Variants in GPATCH2 observed in about 807,000 individuals in gnomAD.
GPATCH2 encodes the protein G patch domain-containing protein 2.
Under a neutral mutation model 58.0 loss-of-function variants are expected in GPATCH2, and 51 were observed. That is an observed-to-expected ratio of 0.88 (90% CI 0.70 to 1.11). GPATCH2 has a LOEUF of 1.11. Among genes scored for constraint, GPATCH2 ranks in the 50% most tolerant of loss-of-function variants. The pLI is 0.00. For missense variants in GPATCH2, 625 were observed against 652.2 expected (o/e 0.96, Z 0.45); for synonymous variants, 222 against 218.5 (o/e 1.02, Z -0.14).
rs1658461846 is a variant in GPATCH2 at position 217,430,027 on chromosome 1, A to C, written c.*1118T>G. ...AATAAATAAAGATCTTCTAAACTAA[A>C]AGCAATTTAGAATTTCTGATACTAT... On this transcript the variant is annotated 3_prime_UTR_variant, in exon 10 of 10. Transcript: ENST00000366935. The C allele has an allele frequency of 6.6e-6, 1 of 152,120 alleles. No individual in the cohort carries two copies. Among genetic ancestry groups the C allele is most frequent in the South Asian group, 2.1e-4 (1 of 4,830 alleles). The allele number at this position is 152,120 out of a possible 1,614,324, so 9.4% of individuals were successfully genotyped here. A position where few individuals can be genotyped will look rare whatever the true frequency, so the allele number is the denominator to read the frequency against.
At chr1:217,592,776 T>G (rs1038371514) in intron 5 of GPATCH2, among the ~76,000 whole-genome samples, 3 of 151,872 alleles carry the variant, frequency 2.0e-5, no homozygotes, top group African/African-American at 4.8e-5. Context: ...AGATAGAATA[T>G]AGCTTCCTTT....
intron 5 of GPATCH2, among the ~76,000 whole-genome samples, chr1:217,556,786 A>G (rs534880378): frequency 1.5e-3 from 228 of 152,320 alleles, no homozygotes; most frequent in African/African-American, 5.1e-3. Context: ...CTTTTTCCAA[A>G]ATAGATAAAT....
intron 7 of GPATCH2, among the ~76,000 whole-genome samples, chr1:217,494,773 T>C (rs1571803888): frequency 6.6e-6 from 1 of 152,150 alleles, no homozygotes; most frequent in African/African-American, 2.4e-5. Context: ...CAACATATTT[T>C]TTTTTAAAGT....
At chr1:217,627,626 C>T (rs1292495156) in intron 1 of GPATCH2, among the ~76,000 whole-genome samples, 3 of 152,048 alleles carry the variant, frequency 2.0e-5, no homozygotes, top group Non-Finnish European at 4.4e-5. Flanking sequence ...GCAGCTTCTA[C>T]TTTGTCACCT....
intron 5 of GPATCH2, among the ~76,000 whole-genome samples, chr1:217,528,720 T>C (rs1012120562): frequency 6.6e-6 from 1 of 152,118 alleles, no homozygotes; most frequent in Non-Finnish European, 1.5e-5. Context: ...GAGGTAAAAA[T>C]GCTGCATTTG....
intron 6 of GPATCH2, 69 bp from the exon 7 acceptor site, chr1:217,498,464 C>G: frequency 8.7e-7 from 1 of 1,145,252 alleles, no homozygotes; most frequent in South Asian, 1.2e-5. Flanking sequence ...ATGATCGAGC[C>G]GCATGTGCTT....
At chr1:217,619,354 C>T (rs1283532397) in intron 2 of GPATCH2, among the ~76,000 whole-genome samples, 1 of 152,088 alleles carries the variant, frequency 6.6e-6, no homozygotes, top group Non-Finnish European at 1.5e-5. Flanking sequence ...AAGCCACAGA[C>T]ATGTCGAAGT....
chr1:217,578,570 C>G (rs1014351313), intron 5 of GPATCH2, among the ~76,000 whole-genome samples: 1 of 152,186 alleles, frequency 6.6e-6, no homozygotes, highest in Non-Finnish European at 1.5e-5. Flanking sequence ...GATGAGTTCA[C>G]TAAGTCCTGG....
chr1:217,429,845 AAG>A lies in GPATCH2; in HGVS notation c.*1298_*1299del, dbSNP rs1491025248. The A allele has an allele frequency of 6.7e-6, 1 of 149,884 alleles. No homozygotes were observed. Among genetic ancestry groups the A allele is most frequent in the Non-Finnish European group, 1.5e-5 (1 of 67,496 alleles). 9.3% of individuals were successfully genotyped at this position (149,884 alleles called of 1,614,324 possible). On this transcript the variant is annotated 3_prime_UTR_variant, in exon 10 of 10. Coordinates refer to ENST00000366935, the MANE Select transcript of GPATCH2 (RefSeq NM_018040.5). ...TCTGTCAAAAAAAAAAAAAAAAAAA[AAG>A]AAACAAAAAAACTCTTTTGGAAAGT...
intron 8 of GPATCH2, among the ~76,000 whole-genome samples, chr1:217,454,364 C>A (rs1355378605): frequency 6.6e-6 from 1 of 151,814 alleles, no homozygotes; most frequent in Non-Finnish European, 1.5e-5. Context: ...CTGAGGTGGG[C>A]GGATCACGAG....
At chr1:217,482,270 A>G (rs1558423327) in intron 8 of GPATCH2, among the ~76,000 whole-genome samples, 1 of 152,212 alleles carries the variant, frequency 6.6e-6, no homozygotes, top group East Asian at 1.9e-4. Flanking sequence ...TTGGGGCTAC[A>G]TGAGTGAGTA....
chr1:217,596,775 G>T (rs951874949), intron 5 of GPATCH2, among the ~76,000 whole-genome samples: 2 of 152,140 alleles, frequency 1.3e-5, no homozygotes, highest in African/African-American at 4.8e-5. Flanking sequence ...TTGTACAGAT[G>T]AGTATGGAAG....
chr1:217,558,754 C>T (rs922432616), intron 5 of GPATCH2, among the ~76,000 whole-genome samples: 4 of 151,978 alleles, frequency 2.6e-5, no homozygotes, highest in Non-Finnish European at 4.4e-5. Flanking sequence ...TTGAGAGCAG[C>T]CTGGGCAACA....
At chr1:217,454,998 T>C (rs1659876904) in intron 8 of GPATCH2, among the ~76,000 whole-genome samples, 1 of 152,160 alleles carries the variant, frequency 6.6e-6, no homozygotes, top group Non-Finnish European at 1.5e-5. Context: ...TGGACATTCA[T>C]AGCAACCCTT....
chr1:217,623,190 C>A (rs1669285395), intron 1 of GPATCH2, among the ~76,000 whole-genome samples: 1 of 152,080 alleles, frequency 6.6e-6, no homozygotes, highest in Non-Finnish European at 1.5e-5. Context: ...GTAACTTACT[C>A]TTGGAAGACA....
chr1:217,603,290 T>A (rs1402686805), intron 5 of GPATCH2, among the ~76,000 whole-genome samples: 3 of 152,126 alleles, frequency 2.0e-5, no homozygotes, highest in Non-Finnish European at 4.4e-5. Context: ...TGTTGTCAAT[T>A]TTGGTAACAT....
chr1:217,573,742 T>A (rs1207632707), intron 5 of GPATCH2, among the ~76,000 whole-genome samples: 1 of 152,232 alleles, frequency 6.6e-6, no homozygotes, highest in Non-Finnish European at 1.5e-5. Context: ...TGCTTATGTT[T>A]TGAACACTGG....
chr1:217,434,408 G>A (rs1026470841), intron 9 of GPATCH2, among the ~76,000 whole-genome samples: 2 of 152,110 alleles, frequency 1.3e-5, no homozygotes, highest in African/African-American at 4.8e-5. Context: ...TGATTATGGT[G>A]GTAACCAGGA....
chr1:217,571,958 A>G (rs1666576835), intron 5 of GPATCH2, among the ~76,000 whole-genome samples: 2 of 146,646 alleles, frequency 1.4e-5, no homozygotes, highest in Admixed American at 1.4e-4. Context: ...GGGAGGAAGG[A>G]AGGAAGGAAG....
Sources: allele counts gnomAD v4.1 joint callset (sites outside exome capture counted in the v4.1 genomes callset), GRCh38; gene constraint gnomAD v4.1.1; transcripts MANE v1.5; gene names NCBI Gene and HGNC (gene_info 2026-07-23, HGNC 2026-07-21).